The following IGSF5 variants were observed in gnomAD, a reference collection of about 807,000 sequenced individuals.
IGSF5 encodes immunoglobulin superfamily 5 like.
A neutral mutation model predicts 39.4 loss-of-function variants in IGSF5; 41 were observed. The ratio of observed to expected loss-of-function variants is 1.04; its 90% CI spans 0.81 to 1.35. The LOEUF is 1.35. Among genes scored for constraint, IGSF5 ranks in the 40% most tolerant of loss-of-function variants. IGSF5 has a pLI of 0.00. For synonymous variants in IGSF5, 183 were observed against 175.3 expected (o/e 1.04, Z -0.34); for missense variants, 487 against 494.6 (o/e 0.98, Z 0.15).
chr21:39,755,918 A>G (rs2080027460), intron 2 of IGSF5, among the ~76,000 whole-genome samples: 2 of 151,234 alleles, frequency 1.3e-5, no homozygotes, highest in South Asian at 4.2e-4. Flanking sequence ...AGCCTGGCCA[A>G]CATGGTGAAA....
chr21:39,755,539 A>T (rs2080025101), intron 2 of IGSF5, among the ~76,000 whole-genome samples: 3 of 150,984 alleles, frequency 2.0e-5, no homozygotes, highest in Admixed American at 2.0e-4. Flanking sequence ...GTGAGCCAAG[A>T]TCGCACCATT....
upstream of IGSF5, among the ~76,000 whole-genome samples, chr21:39,742,490 A>G (rs1224652406): frequency 1.3e-5 from 2 of 152,202 alleles, no homozygotes; most frequent in African/African-American, 4.8e-5. Context: ...GGGTGATGGC[A>G]TGGGCTGGCG....
intron 7 of IGSF5, among the ~76,000 whole-genome samples, chr21:39,792,553 C>T (rs1469733052): frequency 1.3e-5 from 2 of 151,988 alleles, no homozygotes; most frequent in East Asian, 3.9e-4. Context: ...TTTCCCCATG[C>T]TTTCTTTTTT....
the IGSF5 span, among the ~76,000 whole-genome samples, chr21:39,733,108 CAAAAT>C: frequency 6.6e-6 from 1 of 151,870 alleles, no homozygotes; most frequent in Non-Finnish European, 1.5e-5. Flanking sequence ...GTACCAAAGA[CAAAAT>C]AAAAGAAAAC....
chr21:39,790,393 C>T (rs981850826), intron 6 of IGSF5, among the ~76,000 whole-genome samples: 1 of 152,168 alleles, frequency 6.6e-6, no homozygotes, highest in African/African-American at 2.4e-5. Context: ...GGCGTGGTGG[C>T]TCACTCCTGT....
intron 8 of IGSF5, among the ~76,000 whole-genome samples, chr21:39,799,411 G>C (rs1156631969): frequency 6.6e-6 from 1 of 152,172 alleles, no homozygotes; most frequent in Non-Finnish European, 1.5e-5. Flanking sequence ...ACACTCTTGG[G>C]CCTCCGCCAG....
At chr21:39,760,297 G>C (rs940370476) in intron 2 of IGSF5, among the ~76,000 whole-genome samples, 3 of 152,124 alleles carry the variant, frequency 2.0e-5, no homozygotes, top group Non-Finnish European at 4.4e-5. Context: ...AGCAAAACCA[G>C]GCATTGTTCT....
At chr21:39,788,529 G>C (rs1294240943) in intron 6 of IGSF5, among the ~76,000 whole-genome samples, 1 of 152,238 alleles carries the variant, frequency 6.6e-6, no homozygotes, top group African/African-American at 2.4e-5. Flanking sequence ...GTGGGCGGAG[G>C]CCAGGGCCAC....
At chr21:39,723,583 C>T in the IGSF5 span, among the ~76,000 whole-genome samples, 2 of 152,150 alleles carry the variant, frequency 1.3e-5, no homozygotes, top group Non-Finnish European at 2.9e-5. Context: ...ACTTGGAATT[C>T]AGAGAGGTCA....
At chr21:39,766,781 T>G (rs1410250792) in intron 3 of IGSF5, among the ~76,000 whole-genome samples, 1 of 152,096 alleles carries the variant, frequency 6.6e-6, no homozygotes, top group East Asian at 1.9e-4. Flanking sequence ...AGATATAGAG[T>G]GCCTGATTTC....
chr21:39,734,617 T>A, the IGSF5 span, among the ~76,000 whole-genome samples: 3 of 152,154 alleles, frequency 2.0e-5, no homozygotes, highest in African/African-American at 7.2e-5. Flanking sequence ...ATTGCATTTT[T>A]CAGAACTAAT....
the IGSF5 span, among the ~76,000 whole-genome samples, chr21:39,713,113 T>A: frequency 1.3e-5 from 2 of 152,284 alleles, no homozygotes; most frequent in African/African-American, 2.4e-5. Context: ...TTTCCCTCCC[T>A]GCTCAGCAGG....
chr21:39,714,081 G>A, the IGSF5 span, among the ~76,000 whole-genome samples: 3 of 152,318 alleles, frequency 2.0e-5, no homozygotes, highest in East Asian at 3.9e-4. Flanking sequence ...ACGTGAGCGC[G>A]AGCTGCTCCT....
chr21:39,783,007 T>C (rs1345879981), intron 5 of IGSF5, among the ~76,000 whole-genome samples: 1 of 152,210 alleles, frequency 6.6e-6, no homozygotes, highest in East Asian at 1.9e-4. Context: ...GCCTGACTTA[T>C]TTCACTTAAC....
At chr21:39,776,371 A>G (rs888771214) in intron 4 of IGSF5, among the ~76,000 whole-genome samples, 2 of 152,176 alleles carry the variant, frequency 1.3e-5, no homozygotes, top group African/African-American at 4.8e-5. Context: ...TCACCCAGGC[A>G]TAAAACTTGG....
At chr21:39,759,316 T>A (rs2837171) in intron 2 of IGSF5, among the ~76,000 whole-genome samples, 124,276 of 152,180 alleles carry the variant, frequency 0.82, 50,919 homozygotes, top group Admixed American at 0.86. Context: ...TATTCTAAAG[T>A]CCTGTAGTAA....
chr21:39,798,872 C>G (rs182344697), intron 8 of IGSF5, among the ~76,000 whole-genome samples: 243 of 152,258 alleles, frequency 1.6e-3, no homozygotes, highest in African/African-American at 4.8e-3. Flanking sequence ...TTAGTTATCC[C>G]CTGATGCTTT....
At chr21:39,760,858 C>T (rs1201740227) in intron 2 of IGSF5, among the ~76,000 whole-genome samples, 1 of 152,134 alleles carries the variant, frequency 6.6e-6, no homozygotes, top group Non-Finnish European at 1.5e-5. Flanking sequence ...GCATGAGCCA[C>T]CTTACCTGGC....
intron 6 of IGSF5, among the ~76,000 whole-genome samples, chr21:39,789,803 C>T (rs760286): frequency 7.2e-5 from 11 of 152,016 alleles, no homozygotes; most frequent in African/African-American, 2.7e-4. Flanking sequence ...GATATGCACA[C>T]AAAGCATTTT....
Sources: allele counts gnomAD v4.1 joint callset (sites outside exome capture counted in the v4.1 genomes callset), GRCh38; gene constraint gnomAD v4.1.1; transcripts MANE v1.5; gene names NCBI Gene and HGNC (gene_info 2026-07-23, HGNC 2026-07-21).